The following PROX2 variants were observed in gnomAD, a reference collection of about 807,000 sequenced individuals.
The protein encoded by PROX2 is prospero homeobox protein 2.
A neutral mutation model predicts 48.9 loss-of-function variants in PROX2; 46 were observed. That is an observed-to-expected ratio of 0.94 (90% CI 0.74 to 1.20). PROX2 has a LOEUF of 1.20. Among genes scored for constraint, PROX2 ranks in the 50% most tolerant of loss-of-function variants. The pLI is 0.00. For synonymous variants in PROX2, 260 were observed against 276.6 expected (o/e 0.94, Z 0.60); for missense variants, 663 against 719.4 (o/e 0.92, Z 0.90).
At position 74,863,915 on chromosome 14, in the gene PROX2, C is replaced by A. The variant is rs1289438483; in HGVS notation, c.-81G>T. On this transcript the variant is annotated 5_prime_UTR_variant, in exon 3 of 6. Coordinates refer to ENST00000556489, the MANE Select transcript of PROX2 (RefSeq NM_001243007.2). ...AGTGCACCCAGAATGCGCTGGGCTT[C>A]CTCCTCTGCACTTAGAAGGGTAAAG... 40 of 1,404,446 alleles carry A rather than the reference C, an allele frequency of 2.8e-5. 1 individual carries two copies. The East Asian group carries it at 8.9e-4, about 31-fold the overall frequency. 87.0% of individuals were successfully genotyped at this position (1,404,446 alleles called of 1,614,324 possible).
chr14:74,871,537 G>A (rs1883215679), intron 1 of PROX2, among the ~76,000 whole-genome samples: 1 of 151,958 alleles, frequency 6.6e-6, no homozygotes, highest in East Asian at 1.9e-4. Context: ...GCTTTGGGAG[G>A]CCAAGGCTCA....
chr14:74,873,683 A>C (rs536823988), intron 1 of PROX2: 1 of 374,558 alleles, frequency 2.7e-6, no homozygotes, highest in East Asian at 7.0e-5. Context: ...AAAAAAACAA[A>C]ATGAAGGAAT....
At chr14:74,874,748 G>A (rs79513436) in intron 1 of PROX2, among the ~76,000 whole-genome samples, 3,899 of 152,268 alleles carry the variant, frequency 0.026, 89 homozygotes, top group South Asian at 0.072. Context: ...TTTTGCAGGT[G>A]AAGGCACAAA....
At chr14:74,858,638 G>A in intron 3 of PROX2, 124 bp from the exon 4 acceptor site, 1 of 616,636 alleles carries the variant, frequency 1.6e-6, no homozygotes, top group East Asian at 2.8e-5. Flanking sequence ...TTGTGTATTT[G>A]CTCCATTTTT....
intron 3 of PROX2, among the ~76,000 whole-genome samples, chr14:74,862,218 A>T (rs1215790770): frequency 1.3e-5 from 2 of 149,236 alleles, no homozygotes; most frequent in Non-Finnish European, 3.0e-5. Flanking sequence ...TAAATTATTT[A>T]TTGAAACATT....
At chr14:74,869,618 T>G (rs1025174977) in intron 2 of PROX2, among the ~76,000 whole-genome samples, 1 of 152,218 alleles carries the variant, frequency 6.6e-6, no homozygotes, top group African/African-American at 2.4e-5. Flanking sequence ...ATTGAATTTT[T>G]ACAAGAATAT....
In PROX2 at chr14:74,854,915, C is replaced by G. The variant is rs1018498600; in HGVS notation, c.*217G>C. On this transcript the variant is annotated 3_prime_UTR_variant, in exon 6 of 6. Transcript: ENST00000556489. ...AAACTTGTGTTCCTTTTACAATATA[C>G]TACCAATACACCAATATAGTTAGTA... 8.5e-6 allele frequency: 3 copies of G among 353,172 alleles called. No homozygotes were observed. Among genetic ancestry groups the G allele is most frequent in the African/African-American group, 6.3e-5 (3 of 47,832 alleles). 21.9% of individuals were successfully genotyped at this position (353,172 alleles called of 1,614,324 possible). A position where few individuals can be genotyped will look rare whatever the true frequency, so the allele number is the denominator to read the frequency against.
Position 74,853,952 on chromosome 14 carries a change from G to A in PROX2, c.*1180C>T, listed in dbSNP as rs1230088808. The stretch of plus-strand genomic sequence containing the variant: ...TCATGAATTCCTTCATCAGTGGAAG[G>A]TCAGCCATGGACTGTAATTTTGTTA... On this transcript the variant is annotated 3_prime_UTR_variant, in exon 6 of 6. Transcript: ENST00000556489. 6.1e-6 allele frequency: 1 copy of A among 163,750 alleles called. No individual in the cohort carries two copies. The highest frequency in any genetic ancestry group is 2.4e-5 in the African/African-American group (1 of 41,598). 10.1% of individuals were successfully genotyped at this position (163,750 alleles called of 1,614,324 possible).
chr14:74,875,144 CA>C (rs1245725132), intron 1 of PROX2, among the ~76,000 whole-genome samples: 5 of 146,964 alleles, frequency 3.4e-5, no homozygotes, highest in Non-Finnish European at 3.0e-5. Context: ...GACTCCATCT[CA>C]AAAAAAAATA....
chr14:74,855,569 C>T (rs1302814528), intron 5 of PROX2: 8 of 317,562 alleles, frequency 2.5e-5, no homozygotes, highest in Non-Finnish European at 4.0e-5. Context: ...CGCTAATGGG[C>T]GACTTTTTAA....
chr14:74,859,936 C>A (rs544539440), intron 3 of PROX2, among the ~76,000 whole-genome samples: 21 of 152,362 alleles, frequency 1.4e-4, no homozygotes, highest in African/African-American at 3.8e-4. Context: ...AGCTGTGTGA[C>A]CTTGGGCAAG....
chr14:74,864,914 C>T (rs1159003425), intron 2 of PROX2, among the ~76,000 whole-genome samples: 2 of 151,594 alleles, frequency 1.3e-5, no homozygotes, highest in Non-Finnish European at 2.9e-5. Flanking sequence ...GAGGCCAGGG[C>T]GAGTGGATCA....
chr14:74,864,045 C>G (rs762430848), intron 2 of PROX2, 37 bp from the exon 3 acceptor site: 9 of 435,610 alleles, frequency 2.1e-5, no homozygotes, highest in Admixed American at 4.0e-5. Flanking sequence ...GTACGTGTGA[C>G]TTTGAACAGT....
chr14:74,875,891 T>C lies in PROX2; in HGVS notation c.-310+4A>G, dbSNP rs1245876027. ...AGGTAAATGGAAAGGATGATGTTAC[T>C]CACAGGGAAGAGGTCCTCTGGGAGG... On this transcript the variant is annotated splice_donor_region_variant and intron_variant, in intron 1 of 5. Coordinates refer to ENST00000556489, the MANE Select transcript of PROX2 (RefSeq NM_001243007.2). Among the ~76,000 whole-genome samples, 1 of 152,250 alleles carries C rather than the reference T, an allele frequency of 6.6e-6. No individual in the cohort carries two copies. The highest frequency in any genetic ancestry group is 2.4e-5 in the African/African-American group (1 of 41,464).
At position 74,853,776 on chromosome 14, in the gene PROX2, C is replaced by A. The variant is rs1236970125; in HGVS notation, c.*1356G>T. 6.6e-6 allele frequency: 1 copy of A among 152,194 alleles called. No individual in the cohort carries two copies. The highest frequency in any genetic ancestry group is 1.5e-5 in the Non-Finnish European group (1 of 68,082). 9.4% of individuals were successfully genotyped at this position (152,194 alleles called of 1,614,324 possible). On this transcript the variant is annotated 3_prime_UTR_variant, in exon 6 of 6. Transcript: ENST00000556489. ...GCTGTGTATTACCCCCACCCCACCC[C>A]ACCCGGCGTACCTTTGGCAGTGCTT...
Position 74,854,986 on chromosome 14 carries a change from G to T in PROX2, c.*146C>A. ...GATGATTCTGGAAAGGGAAATAAATGATCAAAATGGTAATAGTACCTGTTT... is the reference window on the plus strand; with the variant it reads ...GATGATTCTGGAAAGGGAAATAAATTATCAAAATGGTAATAGTACCTGTTT... On this transcript the variant is annotated 3_prime_UTR_variant, in exon 6 of 6. Coordinates refer to ENST00000556489, the MANE Select transcript of PROX2 (RefSeq NM_001243007.2). 1 of 462,074 alleles carries T rather than the reference G, an allele frequency of 2.2e-6. No homozygotes were observed. Among genetic ancestry groups the T allele is most frequent in the East Asian group, 3.3e-5 (1 of 30,682 alleles). The allele number at this position is 462,074 out of a possible 1,614,324, so 28.6% of individuals were successfully genotyped here.
At chr14:74,858,673 T>C (rs2091766894) in intron 3 of PROX2, 159 bp from the exon 4 acceptor site, 2 of 585,192 alleles carry the variant, frequency 3.4e-6, no homozygotes, top group Non-Finnish European at 6.1e-6. Flanking sequence ...TCTGGTCAAA[T>C]AAGCTGGATG....
At chr14:74,860,326 A>T (rs1156941834) in intron 3 of PROX2, among the ~76,000 whole-genome samples, 1 of 152,188 alleles carries the variant, frequency 6.6e-6, no homozygotes, top group Admixed American at 6.5e-5. Flanking sequence ...TAAGTGGGAT[A>T]AAATCTATTA....
intron 1 of PROX2, among the ~76,000 whole-genome samples, chr14:74,874,882 C>T (rs1037798260): frequency 6.6e-6 from 1 of 151,958 alleles, no homozygotes; most frequent in African/African-American, 2.4e-5. Context: ...GGGTGGCTCA[C>T]GCCTGTCATC....
Sources: gnomAD v4.1 joint callset for allele counts (sites outside exome capture counted in the v4.1 genomes callset) on GRCh38, gnomAD v4.1.1 for gene constraint, MANE v1.5 for transcripts, NCBI Gene and HGNC (gene_info 2026-07-23, HGNC 2026-07-21) for gene names.